COL5A3: variants seen among roughly 807,000 people sequenced by gnomAD.
COL5A3 encodes the protein collagen alpha-3(V) chain.
COL5A3 carries 172 observed loss-of-function variants against 250.0 expected under a neutral mutation model. The ratio of observed to expected loss-of-function variants is 0.69; its 90% CI spans 0.61 to 0.78. The LOEUF (loss-of-function observed/expected upper bound fraction) is 0.78, where lower values mean the gene tolerates loss of function less well. Among genes scored for constraint, COL5A3 ranks in the 30% least tolerant of loss-of-function variants. The pLI is 0.00. For missense variants in COL5A3, 2,340 were observed against 2,334.4 expected, an observed-to-expected ratio of 1.00 and a Z score of -0.05; for synonymous variants, 937 against 900.4, an observed-to-expected ratio of 1.04 and a Z score of -0.73.
intron 65 of COL5A3, 126 bp from the exon 66 acceptor site, chr19:9,961,016 G>A: frequency 8.6e-7 from 1 of 1,166,980 alleles, no homozygotes. Flanking sequence ...CTCTGAGGAG[G>A]TCCCACCAGC....
intron 6 of COL5A3, among the ~76,000 whole-genome samples, chr19:10,002,379 G>A (rs1156689827): frequency 6.6e-6 from 1 of 151,948 alleles, no homozygotes; most frequent in Non-Finnish European, 1.5e-5. Flanking sequence ...TGTATTCTTG[G>A]CCAAGAAGAT....
rs1028063878 is a variant in COL5A3 at position 10,007,571 on chromosome 19, C to T, written c.89-1340G>A. ...AGCCCCTGTCTGATTCCCCCATCCC[C>T]CAACCCTCAGCAAACTGTCCCACTG... On this transcript the variant is annotated intron_variant, in intron 1 of 66. Coordinates refer to ENST00000264828, the MANE Select transcript of COL5A3 (RefSeq NM_015719.4). Among the ~76,000 whole-genome samples, 26 of 152,214 alleles carry T rather than the reference C, an allele frequency of 1.7e-4. 1 individual carries two copies. The highest frequency in any genetic ancestry group is 6.3e-4 in the African/African-American group (26 of 41,460).
chr19:9,974,974 T>G (rs1280655230), intron 45 of COL5A3, among the ~76,000 whole-genome samples: 1 of 152,112 alleles, frequency 6.6e-6, no homozygotes, highest in African/African-American at 2.4e-5. Context: ...CTCTGCTCAC[T>G]GCAACCTCTG....
chr19:9,964,387 G>A (rs921246121), intron 64 of COL5A3, among the ~76,000 whole-genome samples: 2 of 151,696 alleles, frequency 1.3e-5, no homozygotes, highest in African/African-American at 4.8e-5. Flanking sequence ...ATCTCTTGAG[G>A]CCAGGAGTTC....
At position 9,960,793 on chromosome 19, in the gene COL5A3, G is replaced by A. The variant is rs920250734; in HGVS notation, c.4949C>T (p.Ser1650Phe). ...SATARQNFTY[S>F]CQNAAAWLDE... The stretch of plus-strand genomic sequence containing the variant: ...CAGCCAGGCAGCTGCATTCTGGCAG[G>A]AGTAGGTGAAGTTCTGGCGAGCTGT... The change falls in exon 66 of 67, where the codon TCC becomes TTC. Residue 1650 changes from serine to phenylalanine, a missense_variant. By Grantham distance (155) the Ser-to-Phe change is radical. Around this residue, in one of 3 missense-constraint regions of COL5A3, gnomAD observed 1,179 missense variants for 1,162.6 expected, o/e 1.01. Transcript: ENST00000264828. The A allele has an allele frequency of 6.2e-7, 1 of 1,613,962 alleles. No homozygotes were observed. The highest frequency in any genetic ancestry group is 1.7e-5 in the Admixed American group (1 of 60,010).
chr19:9,970,393 G>A (rs1599533700), intron 54 of COL5A3, among the ~76,000 whole-genome samples: 1 of 129,886 alleles, frequency 7.7e-6, no homozygotes, highest in Non-Finnish European at 1.6e-5. Context: ...GCTGTGGGGT[G>A]AGTGGGGTCT....
In COL5A3 at chr19:9,972,019, T is replaced by A. The variant is rs369677055; in HGVS notation, c.3775-761A>T. On this transcript the variant is annotated intron_variant, in intron 51 of 66. Transcript: ENST00000264828. ...ATCCATCCATTCGTTTATTCACTCA[T>A]CTCTTCAGTCATTTTGTTCACTTGC... Among the ~76,000 whole-genome samples, 12 of 152,376 alleles carry A rather than the reference T, an allele frequency of 7.9e-5. No homozygotes were observed. In the East Asian group the frequency reaches 2.1e-3, roughly 27 times the overall value.
chr19:10,007,797 C>T (rs2087464596), intron 1 of COL5A3, among the ~76,000 whole-genome samples: 1 of 152,096 alleles, frequency 6.6e-6, no homozygotes, highest in Non-Finnish European at 1.5e-5. Context: ...TCCTCGGAGG[C>T]CTGTTTCAGC....
In COL5A3 at chr19:9,989,381, T is replaced by G; in HGVS notation, c.2047-15A>C. 6.2e-7 allele frequency: 1 copy of G among 1,614,146 alleles called. No individual in the cohort carries two copies. The highest frequency in any genetic ancestry group is 1.6e-4 in the Middle Eastern group (1 of 6,062). ...CCTGGGTGACCCTGGGGAAGAAACA[T>G]TCTCAGTTGTCAGAGACCAAAACTT... On this transcript the variant is annotated splice_polypyrimidine_tract_variant and intron_variant, in intron 25 of 66. Transcript: ENST00000264828.
In COL5A3 at chr19:9,991,616, C is replaced by G. The variant is rs560314176; in HGVS notation, c.1986G>C (p.Gly662=). The G allele has an allele frequency of 1.8e-5, 28 of 1,598,986 alleles. No homozygotes were observed. Among genetic ancestry groups the G allele is most frequent in the Middle Eastern group, 1.7e-4 (1 of 6,042 alleles). The change falls in exon 24 of 67, where the codon GGG becomes GGC. Residue 662 remains glycine (G), a synonymous_variant. Transcript: ENST00000264828. ...AGGTGGAGCTGTCACTCACCTTCTC[C>G]CCAGGAGTGCCAATGAGTCCCTGGG... is the stretch of plus-strand genomic sequence containing the variant. ...PGPQGLIGTP[G]EKGPPGNPGI...
intron 31 of COL5A3, among the ~76,000 whole-genome samples, chr19:9,984,442 G>C (rs1007213736): frequency 2.6e-5 from 4 of 152,078 alleles, no homozygotes. Flanking sequence ...CAAAACATTG[G>C]CAAACAAATG....
chr19:9,993,968 A>G (rs1339704773), intron 16 of COL5A3, among the ~76,000 whole-genome samples, 162 bp from the exon 17 acceptor site: 1 of 151,502 alleles, frequency 6.6e-6, no homozygotes, highest in Non-Finnish European at 1.5e-5. Flanking sequence ...GCTCACTGCA[A>G]CCTCAGCCTC....
chr19:10,006,425 G>A (rs1403693941), intron 1 of COL5A3, among the ~76,000 whole-genome samples, 194 bp from the exon 2 acceptor site: 1 of 151,508 alleles, frequency 6.6e-6, no homozygotes, highest in East Asian at 1.9e-4. Context: ...CCCCACAGAT[G>A]TTCCGACCTC....
rs571377228 is a variant in COL5A3, at chr19:9,998,477, G to A, written c.1111-328C>T. Reference sequence around the variant, plus strand: ...CCCCTATGGCCACTTACAGGTAACCGGTCAACCTGTAAAGTCAGTGGATGA... The same window carrying A: ...CCCCTATGGCCACTTACAGGTAACCAGTCAACCTGTAAAGTCAGTGGATGA... On this transcript the variant is annotated intron_variant, in intron 8 of 66. Coordinates refer to ENST00000264828, the MANE Select transcript of COL5A3 (RefSeq NM_015719.4). Among the ~76,000 whole-genome samples, 15 of 152,146 alleles carry A rather than the reference G, an allele frequency of 9.9e-5. No homozygotes were observed. The South Asian group carries it at 1.2e-3, about 13-fold the overall frequency.
intron 5 of COL5A3, 145 bp from the exon 6 acceptor site, chr19:10,003,859 G>C (rs1028078191): frequency 2.3e-5 from 28 of 1,202,384 alleles, no homozygotes; most frequent in Non-Finnish European, 2.6e-5. Context: ...TGTAACCTGG[G>C]GTCAAGGGTG....
At chr19:9,984,796 T>A (rs1010701155) in intron 31 of COL5A3, among the ~76,000 whole-genome samples, 4 of 152,068 alleles carry the variant, frequency 2.6e-5, no homozygotes, top group Non-Finnish European at 2.9e-5. Flanking sequence ...GCTCACTTTT[T>A]AAAAAAATTT....
At chr19:10,003,946 T>G in intron 5 of COL5A3, 95 bp downstream of exon 5, 1 of 1,128,986 alleles carries the variant, frequency 8.9e-7, no homozygotes. Context: ...TAACCCCATG[T>G]CTGGGGGATG....
At chr19:9,977,089 A>C (rs2086932416) in intron 44 of COL5A3, 140 bp downstream of exon 44, 4 of 790,748 alleles carry the variant, frequency 5.1e-6, no homozygotes. Context: ...CTTCTGTTGC[A>C]TGTAATTGTC....
At chr19:9,966,261 G>A in intron 64 of COL5A3, 53 bp downstream of exon 64, 1 of 1,358,824 alleles carries the variant, frequency 7.4e-7, no homozygotes, top group Non-Finnish European at 1.0e-6. Context: ...TGGGTGTGGG[G>A]AGCAGGGGAC....
Sources: gnomAD v4.1 joint callset for allele counts (sites outside exome capture counted in the v4.1 genomes callset) on GRCh38, gnomAD v4.1.1 for gene constraint, gnomAD v4.1.1 regional missense constraint, MANE v1.5 for transcripts, NCBI Gene and HGNC (gene_info 2026-07-23, HGNC 2026-07-21) for gene names.